Variants in SLIT1 observed in about 807,000 individuals in gnomAD.
The protein encoded by SLIT1 is slit homolog 1 protein.
In SLIT1, 66 loss-of-function variants were observed where a neutral mutation model predicts 186.1. The ratio of observed to expected loss-of-function variants is 0.35; its 90% CI spans 0.29 to 0.44. The LOEUF is 0.44. Ranked by LOEUF, SLIT1 falls within the 20% of genes least tolerant of loss-of-function variation. The probability of loss-of-function intolerance (pLI) is 1.00; values close to 1 mark genes in which losing one functional copy is unlikely to be tolerated. For synonymous variants in SLIT1, 761 were observed against 833.8 expected (o/e 0.91, Z 1.50); for missense variants, 1,638 against 2,037.4 (o/e 0.80, Z 3.77).
Position 97,043,191 on chromosome 10 carries a change from C to T in SLIT1, c.1998-124G>A. 7.5e-7 allele frequency: 1 copy of T among 1,327,404 alleles called. No individual in the cohort carries two copies. Among genetic ancestry groups the T allele is most frequent in the Non-Finnish European group, 1.0e-6 (1 of 952,442 alleles). 82.2% of individuals were successfully genotyped at this position (1,327,404 alleles called of 1,614,324 possible). ...ATGGCACTGTCTCCCAGACCACCAC[C>T]CATCACCAAGAGGACCGGCTCTGAG... is the stretch of plus-strand genomic sequence containing the variant. On this transcript the variant is annotated intron_variant, in intron 19 of 36. Transcript: ENST00000266058. This position sits in a 1 kb window ranked among gnomAD's most constrained non-coding sequence, Gnocchi z 7.0.
intron 4 of SLIT1, among the ~76,000 whole-genome samples, chr10:97,087,950 A>C (rs1054312411): frequency 6.6e-6 from 1 of 152,152 alleles, no homozygotes; most frequent in African/African-American, 2.4e-5. Context: ...GAAATGCAGA[A>C]TCGCACCCAG....
At chr10:97,091,089 T>A (rs939803738) in intron 4 of SLIT1, among the ~76,000 whole-genome samples, 2 of 152,286 alleles carry the variant, frequency 1.3e-5, no homozygotes, top group African/African-American at 4.8e-5. Flanking sequence ...TCCGGTTTGA[T>A]ATCATTCTAT....
chr10:97,013,410 A>G (rs1338144827), intron 30 of SLIT1, among the ~76,000 whole-genome samples: 1 of 152,162 alleles, frequency 6.6e-6, no homozygotes, highest in Non-Finnish European at 1.5e-5. Flanking sequence ...CCGGGAGCTA[A>G]GTGCTTTCCA....
chr10:97,093,995 A>G (rs1204783682), intron 4 of SLIT1, among the ~76,000 whole-genome samples: 1 of 152,274 alleles, frequency 6.6e-6, no homozygotes, highest in Non-Finnish European at 1.5e-5. Flanking sequence ...TGAGTGCTAA[A>G]GAAACTAGCA....
chr10:97,125,871 G>T (rs1336547307), intron 4 of SLIT1, among the ~76,000 whole-genome samples: 3 of 152,046 alleles, frequency 2.0e-5, no homozygotes, highest in Non-Finnish European at 4.4e-5. Flanking sequence ...AAAAACAAGA[G>T]TCTGAGTCTG....
intron 4 of SLIT1, among the ~76,000 whole-genome samples, chr10:97,125,236 G>A (rs1352975158): frequency 6.6e-6 from 1 of 152,124 alleles, no homozygotes; most frequent in Non-Finnish European, 1.5e-5. Flanking sequence ...TGCCATATGA[G>A]AACACAGAGT....
At chr10:97,053,810 AG>A (rs1419335131) in intron 13 of SLIT1, among the ~76,000 whole-genome samples, 2 of 152,208 alleles carry the variant, frequency 1.3e-5, no homozygotes, top group Non-Finnish European at 2.9e-5. Flanking sequence ...TCTGTTTTAA[AG>A]CATAGTCACA....
rs1203385893 is a variant in SLIT1, at chr10:97,049,008, C to T, written c.1412G>A (p.Arg471His). The change falls in exon 14 of 37, where the codon CGC (arginine) becomes CAC (histidine). Residue 471 changes from arginine (R) to histidine (H), a missense_variant. Transcript: ENST00000266058. ...CTGCCCGATGCGCTTGTTGGCGAGG[C>T]GCCGGGGACTGGCACAGCGGGCACC... Reference protein sequence around the residue: ...TSGARCASPRRLANKRIGQIK... With the variant: ...TSGARCASPRHLANKRIGQIK... The T allele has an allele frequency of 2.5e-6, 4 of 1,610,620 alleles. No individual in the cohort carries two copies. In the East Asian group the frequency reaches 8.9e-5, roughly 36 times the overall value.
chr10:97,109,777 A>G (rs1014545358), intron 4 of SLIT1, among the ~76,000 whole-genome samples: 2 of 152,164 alleles, frequency 1.3e-5, no homozygotes, highest in Non-Finnish European at 2.9e-5. Flanking sequence ...CTTCTGTAGC[A>G]CATTAAAGAG....
chr10:97,075,131 G>A (rs1349079228), intron 4 of SLIT1, among the ~76,000 whole-genome samples: 4 of 152,122 alleles, frequency 2.6e-5, no homozygotes, highest in Admixed American at 6.5e-5. Flanking sequence ...CTGTCCCCTC[G>A]GCCCCCTGCA....
At chr10:97,071,700 G>A (rs753840564) in intron 4 of SLIT1, among the ~76,000 whole-genome samples, 34 of 152,166 alleles carry the variant, frequency 2.2e-4, no homozygotes, top group African/African-American at 7.5e-4. Context: ...GAAAGCCAGC[G>A]TGAAAGGAGA....
intron 4 of SLIT1, among the ~76,000 whole-genome samples, chr10:97,145,261 G>A (rs1461480575): frequency 1.3e-5 from 2 of 152,028 alleles, no homozygotes; most frequent in Non-Finnish European, 2.9e-5. Flanking sequence ...AGGACTACAG[G>A]CGCCTGCCAT....
intron 1 of SLIT1, among the ~76,000 whole-genome samples, chr10:97,180,319 C>T (rs1589424958): frequency 1.3e-5 from 2 of 152,260 alleles, no homozygotes; most frequent in South Asian, 2.1e-4. Context: ...CGCATTTAAT[C>T]CTCATGACCA....
chr10:97,123,710 A>G (rs1352370427), intron 4 of SLIT1, among the ~76,000 whole-genome samples: 2 of 151,852 alleles, frequency 1.3e-5, no homozygotes, highest in African/African-American at 4.8e-5. Flanking sequence ...GAATCACTTG[A>G]ACCTCGGAGG....
rs181280589 is a variant in SLIT1 at position 97,152,599 on chromosome 10, C to T, written c.413+5219G>A. 2.2e-3 allele frequency among the ~76,000 whole-genome samples: 338 copies of T among 152,302 alleles called. 1 individual carries two copies. Among genetic ancestry groups the T allele is most frequent in the African/African-American group, 7.9e-3 (330 of 41,570 alleles). On this transcript the variant is annotated intron_variant, in intron 4 of 36. Coordinates refer to ENST00000266058, the MANE Select transcript of SLIT1 (RefSeq NM_003061.3). ...AGCAAACAGGCTCGGTTAAAGGAAA[C>T]GCTGCAACATCGTATCACAGGCATT...
chr10:97,075,727 T>C (rs956770870), intron 4 of SLIT1, among the ~76,000 whole-genome samples: 4 of 152,098 alleles, frequency 2.6e-5, no homozygotes, highest in Non-Finnish European at 5.9e-5. Flanking sequence ...CCCGGGAAGT[T>C]TGATAGAAAA....
chr10:97,081,961 A>G (rs536522587), intron 4 of SLIT1, among the ~76,000 whole-genome samples: 35 of 152,312 alleles, frequency 2.3e-4, no homozygotes, highest in Non-Finnish European at 4.7e-4. Flanking sequence ...TTCTTTCTCC[A>G]AAGCCTACAG....
chr10:97,099,729 C>A (rs139752490), intron 4 of SLIT1, among the ~76,000 whole-genome samples: 1 of 152,250 alleles, frequency 6.6e-6, no homozygotes, highest in East Asian at 1.9e-4. Flanking sequence ...AAAGGCAGTC[C>A]CAGAAGGAGA....
Position 97,043,638 on chromosome 10 carries a change from C to T in SLIT1, c.1854-125G>A, listed in dbSNP as rs1848710328. 1.0e-6 allele frequency: 1 copy of T among 953,152 alleles called. No homozygotes were observed. The highest frequency in any genetic ancestry group is 1.6e-5 in the African/African-American group (1 of 61,890). 59.0% of individuals were successfully genotyped at this position (953,152 alleles called of 1,614,324 possible). On this transcript the variant is annotated intron_variant, in intron 18 of 36. Transcript: ENST00000266058. This position sits in a 1 kb window ranked among gnomAD's most constrained non-coding sequence, Gnocchi z 7.0. ...CCTCCATAGGCTGCGAGCCGCAGAG[C>T]CAGGAACACGCACCAGCCAGGCCCC...
Sources: allele counts gnomAD v4.1 joint callset (sites outside exome capture counted in the v4.1 genomes callset), GRCh38; gene constraint gnomAD v4.1.1; non-coding constraint Gnocchi (gnomAD v3.1); transcripts MANE v1.5; gene names NCBI Gene and HGNC (gene_info 2026-07-23, HGNC 2026-07-21).